The following THEMIS variants were observed in gnomAD, a reference collection of about 807,000 sequenced individuals.
The protein encoded by THEMIS is protein THEMIS.
THEMIS carries 37 observed loss-of-function variants against 52.6 expected under a neutral mutation model. That is an observed-to-expected ratio of 0.70 (90% CI 0.54 to 0.93). The LOEUF is 0.93. Ranked by LOEUF, THEMIS falls within the 40% of genes least tolerant of loss-of-function variation. The pLI is 0.00. For missense variants in THEMIS, 808 were observed against 763.1 expected, an observed-to-expected ratio of 1.06 and a Z score of -0.69; for synonymous variants, 292 against 272.7, an observed-to-expected ratio of 1.07 and a Z score of -0.70.
At chr6:127,875,158 C>T (rs968557075) in intron 1 of THEMIS, among the ~76,000 whole-genome samples, 1 of 152,190 alleles carries the variant, frequency 6.6e-6, no homozygotes, top group Non-Finnish European at 1.5e-5. Context: ...GAAACCAGTC[C>T]CTGGTCCCAA....
chr6:127,847,466 C>T (rs925572059), intron 2 of THEMIS, among the ~76,000 whole-genome samples: 15 of 151,990 alleles, frequency 9.9e-5, no homozygotes, highest in African/African-American at 3.6e-4. Context: ...GTACACAAAT[C>T]AGTAGCACTG....
intron 4 of THEMIS, among the ~76,000 whole-genome samples, chr6:127,808,310 C>T (rs1314576627): frequency 1.3e-5 from 2 of 152,136 alleles, no homozygotes; most frequent in Non-Finnish European, 2.9e-5. Flanking sequence ...ATATCCACGA[C>T]AGGCAAAAAC....
Position 127,783,098 on chromosome 6 carries a change from A to G in THEMIS, c.1758+29785T>C, listed in dbSNP as rs370552275. 3.5e-4 allele frequency among the ~76,000 whole-genome samples: 53 copies of G among 152,284 alleles called. 1 individual carries two copies. The East Asian group carries it at 8.5e-3, about 24-fold the overall frequency. On this transcript the variant is annotated intron_variant, in intron 4 of 5. Transcript: ENST00000368248. ...GAAATAATGCCACACATCTACAACC[A>G]TCTGATCTTTGACAAACCTGACAAA...
chr6:127,711,557 C>G lies in THEMIS; in HGVS notation c.1895-1541G>C, dbSNP rs145132193. Among the ~76,000 whole-genome samples, 384 of 152,082 alleles carry G rather than the reference C, an allele frequency of 2.5e-3. 3 individuals carry two copies. Among genetic ancestry groups the G allele is most frequent in the African/African-American group, 8.7e-3 (361 of 41,514 alleles). ...CTGGATTGCATACTCTCCTAGATTT[C>G]CTTCCCTCTCCTCATGATCCACTGT... On this transcript the variant is annotated intron_variant, in intron 5 of 5. Coordinates refer to ENST00000368248, the MANE Select transcript of THEMIS (RefSeq NM_001010923.3).
At chr6:127,755,239 C>G (rs1189067454) in intron 4 of THEMIS, among the ~76,000 whole-genome samples, 1 of 152,110 alleles carries the variant, frequency 6.6e-6, no homozygotes, top group East Asian at 1.9e-4. Context: ...ACAGCCCATG[C>G]TAGGCATTGA....
chr6:127,853,267 G>A lies in THEMIS; in HGVS notation c.250+1763C>T, dbSNP rs143462310. ...GAAAAACTATAGTGATTTAAAAAGG[G>A]AATTGTTACATCTAATTAGAGTACT... On this transcript the variant is annotated intron_variant, in intron 2 of 5. Transcript: ENST00000368248. Among the ~76,000 whole-genome samples the A allele has an allele frequency of 3.3e-3, 496 of 151,696 alleles. 1 individual carries two copies. The highest frequency in any genetic ancestry group is 0.017 in the Middle Eastern group (5 of 294).
rs186580726 is a variant in THEMIS, at chr6:127,859,476, A to G, written c.92-4288T>C. ...TTAACTATATGTATACCTCCCCCAC[A>G]GCTAGTAAAACAGTTTTTTTTATCA... On this transcript the variant is annotated intron_variant, in intron 1 of 5. Transcript: ENST00000368248. Among the ~76,000 whole-genome samples, 23 of 151,544 alleles carry G rather than the reference A, an allele frequency of 1.5e-4. 1 individual carries two copies. The East Asian group carries it at 3.9e-3, about 25-fold the overall frequency.
At chr6:127,702,726 A>T in the THEMIS span, among the ~76,000 whole-genome samples, 1 of 151,868 alleles carries the variant, frequency 6.6e-6, no homozygotes, top group African/African-American at 2.4e-5. Flanking sequence ...GGTTTATTGG[A>T]TTTACAGTTC....
At chr6:127,885,674 T>C (rs1392507214) in intron 1 of THEMIS, among the ~76,000 whole-genome samples, 1 of 152,122 alleles carries the variant, frequency 6.6e-6, no homozygotes, top group Admixed American at 6.6e-5. Flanking sequence ...TAGTATAATA[T>C]TTAATACATC....
upstream of THEMIS, among the ~76,000 whole-genome samples, chr6:127,902,844 A>C (rs1202061365): frequency 6.6e-6 from 1 of 151,996 alleles, no homozygotes; most frequent in Non-Finnish European, 1.5e-5. Context: ...AAAATTATGA[A>C]TCCGTTAGAA....
chr6:127,717,760 G>T (rs1052675664), intron 5 of THEMIS, among the ~76,000 whole-genome samples: 1 of 151,468 alleles, frequency 6.6e-6, no homozygotes, highest in African/African-American at 2.4e-5. Context: ...GAAAGAATTA[G>T]GTCTGGGTAT....
At chr6:127,771,271 A>C (rs1776375317) in intron 4 of THEMIS, among the ~76,000 whole-genome samples, 1 of 152,214 alleles carries the variant, frequency 6.6e-6, no homozygotes, top group African/African-American at 2.4e-5. Context: ...AGAGGACACA[A>C]ACAAATGGAA....
chr6:127,728,395 C>T (rs1257742608), intron 4 of THEMIS, among the ~76,000 whole-genome samples: 1 of 152,166 alleles, frequency 6.6e-6, no homozygotes, highest in East Asian at 1.9e-4. Context: ...CCTCTTGTCC[C>T]AATATTTCCA....
downstream of THEMIS, among the ~76,000 whole-genome samples, chr6:127,707,338 T>G (rs547533652): frequency 1.2e-4 from 18 of 152,266 alleles, no homozygotes; most frequent in African/African-American, 4.3e-4. Flanking sequence ...GAATGTATTG[T>G]GCACACCTTT....
chr6:127,740,469 G>A (rs1344355456), intron 4 of THEMIS, among the ~76,000 whole-genome samples: 1 of 136,872 alleles, frequency 7.3e-6, no homozygotes, highest in Non-Finnish European at 1.6e-5. Flanking sequence ...TGCAACAAAT[G>A]TGATTTAATC....
chr6:127,823,719 T>C (rs1425741421), intron 3 of THEMIS, among the ~76,000 whole-genome samples: 11 of 152,116 alleles, frequency 7.2e-5, no homozygotes, highest in Admixed American at 7.2e-4. Context: ...GAGATTATAA[T>C]AGATCCAGGC....
intron 4 of THEMIS, among the ~76,000 whole-genome samples, chr6:127,723,011 G>GT (rs922459006): frequency 1.3e-5 from 2 of 151,854 alleles, no homozygotes; most frequent in African/African-American, 4.8e-5. Context: ...CAGCTGAAAT[G>GT]TTTCCACCTC....
intron 1 of THEMIS, among the ~76,000 whole-genome samples, chr6:127,876,283 C>A (rs575050797): frequency 2.0e-5 from 3 of 152,062 alleles, no homozygotes; most frequent in Non-Finnish European, 4.4e-5. Flanking sequence ...TAGTGAATTT[C>A]AAGTGAAAAA....
chr6:127,769,900 G>T (rs555764190), intron 4 of THEMIS, among the ~76,000 whole-genome samples: 3 of 152,250 alleles, frequency 2.0e-5, no homozygotes, highest in South Asian at 4.2e-4. Flanking sequence ...GTGATAGTTT[G>T]CTCAGAATGA....
Sources: allele counts gnomAD v4.1 joint callset (sites outside exome capture counted in the v4.1 genomes callset), GRCh38; gene constraint gnomAD v4.1.1; transcripts MANE v1.5; gene names NCBI Gene and HGNC (gene_info 2026-07-23, HGNC 2026-07-21).